The following ADAM12 variants were observed in gnomAD, a reference collection of about 807,000 sequenced individuals.
ADAM12 encodes the protein disintegrin and metalloproteinase domain-containing protein 12.
In ADAM12, 70 loss-of-function variants were observed where a neutral mutation model predicts 106.4. The ratio of observed to expected loss-of-function variants is 0.66; its 90% CI spans 0.54 to 0.80. The LOEUF is 0.80. Ranked by LOEUF, ADAM12 falls within the 30% of genes least tolerant of loss-of-function variation. The pLI, the probability that ADAM12 is intolerant of heterozygous loss-of-function variation, is 0.00. For missense variants in ADAM12, 1,010 were observed against 1,171.9 expected (o/e 0.86, Z 2.02); for synonymous variants, 420 against 433.5 (o/e 0.97, Z 0.39).
At chr10:126,199,919 C>A (rs1226007003) in intron 3 of ADAM12, among the ~76,000 whole-genome samples, 1 of 152,060 alleles carries the variant, frequency 6.6e-6, no homozygotes, top group Admixed American at 6.6e-5. Context: ...AAATGATTGA[C>A]TAACAAAAAC....
intron 1 of ADAM12, among the ~76,000 whole-genome samples, chr10:126,376,862 A>G (rs934614698): frequency 3.9e-5 from 6 of 152,230 alleles, no homozygotes; most frequent in African/African-American, 1.4e-4. Context: ...TTTATTGAAT[A>G]CTTAGCATGG....
At chr10:126,183,079 G>T (rs1957343162) in intron 3 of ADAM12, among the ~76,000 whole-genome samples, 1 of 152,150 alleles carries the variant, frequency 6.6e-6, no homozygotes, top group Admixed American at 6.5e-5. Flanking sequence ...TGTGAACTGT[G>T]CATGCGAGGG....
intron 1 of ADAM12, among the ~76,000 whole-genome samples, chr10:126,364,148 T>A (rs2366709): frequency 0.47 from 70,450 of 151,262 alleles, 16,784 homozygotes; most frequent in Middle Eastern, 0.62. Flanking sequence ...ACTTTTTTTT[T>A]TAAAAAAATC....
intron 1 of ADAM12, among the ~76,000 whole-genome samples, chr10:126,366,528 T>C (rs1483688840): frequency 6.6e-6 from 1 of 151,962 alleles, no homozygotes; most frequent in Non-Finnish European, 1.5e-5. Context: ...AGCAAAAACA[T>C]ACTGGGCAAA....
At chr10:126,312,998 GACA>G (rs1202130666) in intron 2 of ADAM12, among the ~76,000 whole-genome samples, 1 of 152,184 alleles carries the variant, frequency 6.6e-6, no homozygotes, top group Non-Finnish European at 1.5e-5. Flanking sequence ...CAGATGAAGA[GACA>G]ACATCACACG....
intron 2 of ADAM12, among the ~76,000 whole-genome samples, chr10:126,303,564 G>A (rs1960716851): frequency 6.6e-6 from 1 of 152,160 alleles, no homozygotes; most frequent in Admixed American, 6.5e-5. Context: ...TGGCTCTTGG[G>A]CATTTTTGAA....
At chr10:126,196,573 G>T (rs965335521) in intron 3 of ADAM12, among the ~76,000 whole-genome samples, 1 of 152,196 alleles carries the variant, frequency 6.6e-6, no homozygotes, top group Non-Finnish European at 1.5e-5. Flanking sequence ...GACCTACTGG[G>T]CCCCTTCTAT....
At chr10:126,111,781 A>G (rs1053371548) in intron 6 of ADAM12, among the ~76,000 whole-genome samples, 3 of 152,220 alleles carry the variant, frequency 2.0e-5, no homozygotes, top group African/African-American at 7.2e-5. Context: ...GCTTAACCAC[A>G]TAATAAAGAG....
At chr10:126,250,753 T>G (rs1452341193) in intron 3 of ADAM12, among the ~76,000 whole-genome samples, 1 of 152,204 alleles carries the variant, frequency 6.6e-6, no homozygotes, top group Non-Finnish European at 1.5e-5. Flanking sequence ...TTTCCTCCAG[T>G]GGAAAGATTT....
chr10:126,160,747 G>A (rs762850083), intron 3 of ADAM12, among the ~76,000 whole-genome samples: 2 of 152,084 alleles, frequency 1.3e-5, no homozygotes, highest in Admixed American at 6.5e-5. Context: ...AACGCCTCCC[G>A]ATGGCCTCCG....
chr10:126,176,855 A>G (rs1322701948), intron 3 of ADAM12, among the ~76,000 whole-genome samples: 8 of 152,170 alleles, frequency 5.3e-5, no homozygotes, highest in Non-Finnish European at 4.4e-5. Flanking sequence ...CTAAGGGTTT[A>G]CTGCCGAAGC....
chr10:126,140,382 C>T lies in ADAM12; in HGVS notation c.340-4722G>A, dbSNP rs1005863404. Reference sequence around the variant, plus strand: ...CAAATTAAATACACAGAAATATAAGCTCGTTAGAGCATGAGCTTAGAACAA... The same window carrying T: ...CAAATTAAATACACAGAAATATAAGTTCGTTAGAGCATGAGCTTAGAACAA... On this transcript the variant is annotated intron_variant, in intron 4 of 22. Transcript: ENST00000448723. Among the ~76,000 whole-genome samples the T allele has an allele frequency of 2.6e-5, 4 of 152,102 alleles. No individual in the cohort carries two copies. The South Asian group carries it at 8.3e-4, about 32-fold the overall frequency.
chr10:126,246,884 C>T (rs1958640862), intron 3 of ADAM12, among the ~76,000 whole-genome samples: 1 of 152,116 alleles, frequency 6.6e-6, no homozygotes. Context: ...CTGGGCAGGG[C>T]AATCAGGCAA....
At chr10:126,150,209 A>G (rs1337447201) in intron 4 of ADAM12, among the ~76,000 whole-genome samples, 3 of 152,220 alleles carry the variant, frequency 2.0e-5, no homozygotes, top group African/African-American at 7.2e-5. Flanking sequence ...AACTATTTAC[A>G]CTGTGGAGAT....
At chr10:126,116,053 C>T (rs1955976524) in intron 6 of ADAM12, among the ~76,000 whole-genome samples, 1 of 152,198 alleles carries the variant, frequency 6.6e-6, no homozygotes, top group African/African-American at 2.4e-5. Flanking sequence ...CTTCAATATG[C>T]ATTATTAACA....
At chr10:126,077,023 G>C (rs192625039) in intron 11 of ADAM12, among the ~76,000 whole-genome samples, 15 of 152,228 alleles carry the variant, frequency 9.9e-5, no homozygotes, top group African/African-American at 3.6e-4. Flanking sequence ...CTGCCAAAAG[G>C]CTCCTGGAGC....
At chr10:126,156,767 A>T (rs896411188) in intron 3 of ADAM12, among the ~76,000 whole-genome samples, 4 of 152,236 alleles carry the variant, frequency 2.6e-5, no homozygotes, top group Admixed American at 2.0e-4. Flanking sequence ...GGCCAGGCCC[A>T]GGACAGGGTG....
chr10:126,062,906 C>T (rs1954788341), intron 14 of ADAM12, among the ~76,000 whole-genome samples: 1 of 152,184 alleles, frequency 6.6e-6, no homozygotes, highest in Non-Finnish European at 1.5e-5. Flanking sequence ...GAAGATTTGG[C>T]CTGCAGCAGT....
chr10:126,369,169 G>A (rs898560574), intron 1 of ADAM12, among the ~76,000 whole-genome samples: 1 of 152,018 alleles, frequency 6.6e-6, no homozygotes, highest in African/African-American at 2.4e-5. Flanking sequence ...TTACATGAAA[G>A]GTTGTACAAA....
Sources: gnomAD v4.1 joint callset for allele counts (sites outside exome capture counted in the v4.1 genomes callset) on GRCh38, gnomAD v4.1.1 for gene constraint, MANE v1.5 for transcripts, NCBI Gene and HGNC (gene_info 2026-07-23, HGNC 2026-07-21) for gene names.